The following FILIP1L variants were observed in gnomAD, a reference collection of about 807,000 sequenced individuals.
The protein encoded by FILIP1L is filamin A-interacting protein 1-like.
In FILIP1L, 55 loss-of-function variants were observed where a neutral mutation model predicts 96.6. That is an observed-to-expected ratio of 0.57 (90% CI 0.46 to 0.71). FILIP1L has a LOEUF of 0.71. Among genes scored for constraint, FILIP1L ranks in the 30% least tolerant of loss-of-function variants. The pLI, the probability that FILIP1L is intolerant of heterozygous loss-of-function variation, is 0.00. For synonymous variants in FILIP1L, 467 were observed against 473.9 expected, an observed-to-expected ratio of 0.99 and a Z score of 0.19; for missense variants, 1,304 against 1,321.2, an observed-to-expected ratio of 0.99 and a Z score of 0.20.
chr3:100,107,945 T>C (rs2066422550), intron 1 of FILIP1L, among the ~76,000 whole-genome samples: 1 of 152,000 alleles, frequency 6.6e-6, no homozygotes, highest in African/African-American at 2.4e-5. Context: ...AGGATGTTTC[T>C]ACCTTTCTAA....
chr3:100,059,590 G>A (rs754114032), intron 1 of FILIP1L, among the ~76,000 whole-genome samples: 5 of 152,104 alleles, frequency 3.3e-5, no homozygotes, highest in East Asian at 3.9e-4. Context: ...TTCAAACAGC[G>A]TTAGGAGCCA....
chr3:100,067,751 A>G (rs563585272), intron 1 of FILIP1L, among the ~76,000 whole-genome samples: 1 of 152,216 alleles, frequency 6.6e-6, no homozygotes, highest in South Asian at 2.1e-4. Context: ...TATATACCAC[A>G]CTACTTTGAA....
intron 4 of FILIP1L, among the ~76,000 whole-genome samples, chr3:99,871,147 T>C (rs965417566): frequency 6.6e-6 from 1 of 152,212 alleles, no homozygotes; most frequent in Non-Finnish European, 1.5e-5. Context: ...TGAGCCTAAC[T>C]TGGTTTCTAG....
At chr3:99,848,187 C>T (rs1943455000) in intron 5 of FILIP1L, 108 bp downstream of exon 5, 1 of 1,540,238 alleles carries the variant, frequency 6.5e-7, no homozygotes, top group Non-Finnish European at 8.7e-7. Flanking sequence ...CGAGTTCAGT[C>T]AGTCTTGGGG....
chr3:99,919,267 G>T (rs1400633319), intron 4 of FILIP1L, among the ~76,000 whole-genome samples: 1 of 151,636 alleles, frequency 6.6e-6, no homozygotes, highest in African/African-American at 2.4e-5. Context: ...TACCATAGTG[G>T]TGCCTTTTTT....
At chr3:100,029,145 G>C (rs990806665) in intron 1 of FILIP1L, among the ~76,000 whole-genome samples, 2 of 151,948 alleles carry the variant, frequency 1.3e-5, no homozygotes, top group Admixed American at 1.3e-4. Context: ...GGGCAACATA[G>C]CAAGACCTCG....
intron 1 of FILIP1L, among the ~76,000 whole-genome samples, chr3:100,027,338 A>G (rs1051759612): frequency 5.9e-5 from 9 of 152,152 alleles, no homozygotes; most frequent in African/African-American, 1.7e-4. Flanking sequence ...TAGGTGTTCA[A>G]TAAATGTTTG....
intron 1 of FILIP1L, among the ~76,000 whole-genome samples, chr3:100,048,519 T>C (rs2065314260): frequency 1.3e-5 from 2 of 152,194 alleles, no homozygotes; most frequent in African/African-American, 4.8e-5. Flanking sequence ...TGAAGCCATA[T>C]CTGTGGGTGC....
chr3:100,049,402 T>C (rs927697597), intron 1 of FILIP1L, among the ~76,000 whole-genome samples: 1 of 152,196 alleles, frequency 6.6e-6, no homozygotes, highest in African/African-American at 2.4e-5. Context: ...TTTTAAAAAA[T>C]CACTCAGCAT....
chr3:99,937,934 T>C (rs1707730777), intron 1 of FILIP1L, among the ~76,000 whole-genome samples: 1 of 152,134 alleles, frequency 6.6e-6, no homozygotes, highest in South Asian at 2.1e-4. Context: ...ACAGAAAACC[T>C]GTAGGAAGGG....
At chr3:99,876,171 T>A (rs902856426) in intron 4 of FILIP1L, 1 of 985,370 alleles carries the variant, frequency 1.0e-6, no homozygotes, top group African/African-American at 1.7e-5. Context: ...GCCCGAACAA[T>A]GCGAGCGGGG....
chr3:100,055,775 C>G (rs1012851821), intron 1 of FILIP1L, among the ~76,000 whole-genome samples: 3 of 152,172 alleles, frequency 2.0e-5, no homozygotes, highest in Non-Finnish European at 4.4e-5. Flanking sequence ...AGAGAAAAAT[C>G]TAGCCTTAAA....
chr3:99,833,065 A>G (rs1201297020), intron 5 of FILIP1L: 3 of 647,304 alleles, frequency 4.6e-6, no homozygotes, highest in Non-Finnish European at 8.3e-6. Flanking sequence ...TGAATGTTCT[A>G]CTCAGAGTTG....
intron 4 of FILIP1L, among the ~76,000 whole-genome samples, chr3:99,854,936 T>C (rs1943884471): frequency 6.6e-6 from 1 of 152,226 alleles, no homozygotes; most frequent in African/African-American, 2.4e-5. Context: ...ATAGGAATCT[T>C]GTTAAACTGC....
At chr3:99,853,419 A>AG (rs1943802524) in intron 4 of FILIP1L, among the ~76,000 whole-genome samples, 1 of 152,230 alleles carries the variant, frequency 6.6e-6, no homozygotes, top group African/African-American at 2.4e-5. Flanking sequence ...TTTTATGAGA[A>AG]GGGGGTGTGT....
intron 1 of FILIP1L, among the ~76,000 whole-genome samples, chr3:100,061,203 C>T (rs2107344718): frequency 6.6e-6 from 1 of 152,122 alleles, no homozygotes; most frequent in African/African-American, 2.4e-5. Context: ...AACTATACTT[C>T]TTCTAAATAA....
chr3:100,095,132 A>G (rs1010822934), intron 1 of FILIP1L, among the ~76,000 whole-genome samples: 1 of 152,150 alleles, frequency 6.6e-6, no homozygotes, highest in African/African-American at 2.4e-5. Flanking sequence ...AGTCTTGATT[A>G]CTATAGTTAA....
chr3:99,942,201 C>CA (rs968127559), intron 1 of FILIP1L, among the ~76,000 whole-genome samples: 125 of 119,118 alleles, frequency 1.0e-3, no homozygotes, highest in Middle Eastern at 4.4e-3. Context: ...GACTCCATCT[C>CA]AAAAAAAAAA....
chr3:100,073,467 G>C (rs191730762), intron 1 of FILIP1L, among the ~76,000 whole-genome samples: 1 of 152,270 alleles, frequency 6.6e-6, no homozygotes, highest in East Asian at 1.9e-4. Flanking sequence ...CGAAAAGACT[G>C]GGGTAGAGGA....
Sources: gnomAD v4.1 joint callset for allele counts (sites outside exome capture counted in the v4.1 genomes callset) on GRCh38, gnomAD v4.1.1 for gene constraint, MANE v1.5 for transcripts, NCBI Gene and HGNC (gene_info 2026-07-23, HGNC 2026-07-21) for gene names.